The following NDRG1 variants were observed in gnomAD, a reference collection of about 807,000 sequenced individuals.
NDRG1 encodes the protein N-myc downstream regulated 1.
Under a neutral mutation model 56.9 loss-of-function variants are expected in NDRG1, and 32 were observed. The ratio of observed to expected loss-of-function variants is 0.56; its 90% confidence interval spans 0.42 to 0.76. The LOEUF (loss-of-function observed/expected upper bound fraction) is 0.76. Among genes scored for constraint, NDRG1 ranks in the 30% least tolerant of loss-of-function variants. NDRG1 has a pLI of 0.00. For synonymous variants in NDRG1, 211 were observed against 204.1 expected (o/e 1.03, Z -0.29); for missense variants, 507 against 545.7 (o/e 0.93, Z 0.71).
intron 1 of NDRG1, among the ~76,000 whole-genome samples, chr8:133,289,368 C>G (rs1462121609): frequency 6.6e-6 from 1 of 152,140 alleles, no homozygotes; most frequent in Non-Finnish European, 1.5e-5. Context: ...TCAGGGTTGC[C>G]TTGGAGATGC....
chr8:133,295,300 G>T (rs1285068797), intron 1 of NDRG1, among the ~76,000 whole-genome samples: 1 of 152,194 alleles, frequency 6.6e-6, no homozygotes, highest in African/African-American at 2.4e-5. Flanking sequence ...CAGGGGCCAG[G>T]TTACAGGGCA....
At chr8:133,244,631 C>T in intron 13 of NDRG1, 1 of 604,952 alleles carries the variant, frequency 1.7e-6, no homozygotes, top group Non-Finnish European at 3.0e-6. Flanking sequence ...TATGCTAGGC[C>T]CTACAGATAA....
chr8:133,278,794 C>A (rs1327617916), intron 3 of NDRG1, among the ~76,000 whole-genome samples: 1 of 151,978 alleles, frequency 6.6e-6, no homozygotes, highest in Non-Finnish European at 1.5e-5. Context: ...GCACTCAGGG[C>A]TGGAAGAGGT....
intron 13 of NDRG1, chr8:133,244,636 A>C: frequency 1.7e-6 from 1 of 597,372 alleles, no homozygotes; most frequent in Non-Finnish European, 3.0e-6. Context: ...TAGGCCCTAC[A>C]GATAATTTCA....
chr8:133,284,098 C>A, intron 2 of NDRG1, 151 bp downstream of exon 2: 1 of 736,498 alleles, frequency 1.4e-6, no homozygotes, highest in South Asian at 1.5e-5. Context: ...CATGTGTGTG[C>A]AGCATGTTTG....
At chr8:133,253,287 C>A (rs1304915972) in intron 9 of NDRG1, among the ~76,000 whole-genome samples, 1 of 152,218 alleles carries the variant, frequency 6.6e-6, no homozygotes, top group Non-Finnish European at 1.5e-5. Context: ...AAGAGCAGCT[C>A]ATCTCAGAGC....
intron 13 of NDRG1, among the ~76,000 whole-genome samples, chr8:133,245,054 T>C (rs1260937247): frequency 6.6e-6 from 1 of 152,056 alleles, no homozygotes; most frequent in African/African-American, 2.4e-5. Flanking sequence ...GGTGAGGCTG[T>C]GGGCATCCTA....
intron 1 of NDRG1, chr8:133,285,007 C>A: frequency 2.7e-6 from 1 of 375,960 alleles, no homozygotes; most frequent in Middle Eastern, 5.9e-4. Context: ...AAAGCACTTC[C>A]TGGATCAAAG....
intron 11 of NDRG1, 100 bp downstream of exon 11, chr8:133,248,615 C>G: frequency 7.3e-7 from 1 of 1,368,386 alleles, no homozygotes; most frequent in South Asian, 1.2e-5. Context: ...CTCACTGACA[C>G]AATGTCCTGC....
intron 5 of NDRG1, among the ~76,000 whole-genome samples, chr8:133,259,752 A>G (rs1856569410): frequency 6.6e-6 from 1 of 152,202 alleles, no homozygotes; most frequent in Admixed American, 6.5e-5. Context: ...TGGTGAGGCA[A>G]TGGCAGGGGT....
chr8:133,241,904 A>G, intron 15 of NDRG1, 119 bp downstream of exon 15: 1 of 1,212,308 alleles, frequency 8.2e-7, no homozygotes, highest in Admixed American at 1.7e-5. Context: ...GTTTCCTCCC[A>G]GAAAGCTGAA....
At chr8:133,252,165 G>A (rs1394386786) in intron 9 of NDRG1, among the ~76,000 whole-genome samples, 2 of 152,112 alleles carry the variant, frequency 1.3e-5, no homozygotes, top group Non-Finnish European at 2.9e-5. Context: ...GCGCGATCTC[G>A]GCTCACTGCA....
At position 133,238,569 on chromosome 8, in the gene NDRG1, C is replaced by T. The variant is rs895236812; in HGVS notation, c.*309G>A. 42 of 476,920 alleles carry T rather than the reference C, an allele frequency of 8.8e-5. 2 individuals are homozygous for T. Among genetic ancestry groups the T allele is most frequent in the African/African-American group, 5.8e-4 (30 of 51,808 alleles). 29.5% of individuals were successfully genotyped at this position (476,920 alleles called of 1,614,324 possible). A position where few individuals can be genotyped will look rare whatever the true frequency, so the allele number is the denominator to read the frequency against. On this transcript the variant is annotated 3_prime_UTR_variant, in exon 16 of 16. Coordinates refer to ENST00000323851, the MANE Select transcript of NDRG1 (RefSeq NM_006096.4). ...TGGCTTTGTGAAGTGTGTGCTGCTA[C>T]GCGTCTTGTTTTTGGCAGTTTGGTG...
chr8:133,279,442 T>A (rs958008735), intron 3 of NDRG1, among the ~76,000 whole-genome samples: 5 of 151,804 alleles, frequency 3.3e-5, no homozygotes, highest in Non-Finnish European at 7.4e-5. Context: ...GGTAAGGAGG[T>A]AGAATAGAGG....
chr8:133,275,037 C>G (rs1857385178), intron 3 of NDRG1, among the ~76,000 whole-genome samples: 1 of 152,158 alleles, frequency 6.6e-6, no homozygotes, highest in South Asian at 2.1e-4. Context: ...ATTATGCTGA[C>G]CAGTCCCCGG....
chr8:133,239,708 A>G (rs1855275613), intron 15 of NDRG1: 2 of 164,020 alleles, frequency 1.2e-5, no homozygotes, highest in African/African-American at 4.8e-5. Context: ...ATGCTCTTGC[A>G]CATGGCACGT....
chr8:133,239,693 C>T (rs1373445696), intron 15 of NDRG1: 5 of 168,348 alleles, frequency 3.0e-5, no homozygotes, highest in African/African-American at 1.2e-4. Flanking sequence ...TCTCTGAGAC[C>T]TCAAATGCTC....
intron 12 of NDRG1, 83 bp from the exon 13 acceptor site, chr8:133,246,746 C>T (rs1244509222): frequency 4.0e-6 from 5 of 1,255,084 alleles, no homozygotes; most frequent in East Asian, 2.3e-5. Flanking sequence ...ACTCTGCCAC[C>T]GTCACCAGAA....
chr8:133,281,181 A>T (rs1022991610), intron 2 of NDRG1: 2 of 152,114 alleles, frequency 1.3e-5, no homozygotes, highest in African/African-American at 4.8e-5. Flanking sequence ...AGCATGGAGA[A>T]ACCCCGTCTC....
Sources: gnomAD v4.1 joint callset for allele counts (sites outside exome capture counted in the v4.1 genomes callset) on GRCh38, gnomAD v4.1.1 for gene constraint, MANE v1.5 for transcripts, NCBI Gene and HGNC (gene_info 2026-07-23, HGNC 2026-07-21) for gene names.